Variants in TBC1D22A observed in about 807,000 individuals in gnomAD.
The protein encoded by TBC1D22A is putative GTPase activator.
TBC1D22A carries 38 observed loss-of-function variants against 60.2 expected under a neutral mutation model. The ratio of observed to expected loss-of-function variants is 0.63; its 90% CI spans 0.49 to 0.83. The LOEUF is 0.83. TBC1D22A is among the 40% of genes least tolerant of loss of function. TBC1D22A has a pLI of 0.00. For synonymous variants in TBC1D22A, 302 were observed against 281.7 expected (o/e 1.07, Z -0.72); for missense variants, 628 against 701.0 (o/e 0.90, Z 1.18).
intron 8 of TBC1D22A, among the ~76,000 whole-genome samples, chr22:46,955,487 A>G (rs2073138450): frequency 6.6e-6 from 1 of 151,922 alleles, no homozygotes; most frequent in Non-Finnish European, 1.5e-5. Context: ...AACCTATGCT[A>G]CTCACCTTGA....
chr22:47,062,087 CAAAA>C (rs908701365), intron 11 of TBC1D22A, among the ~76,000 whole-genome samples: 11 of 63,004 alleles, frequency 1.7e-4, no homozygotes, highest in African/African-American at 4.3e-4. Flanking sequence ...GACTCCATCT[CAAAA>C]AAAAAAAAAA....
chr22:46,883,497 C>T (rs1390810773), intron 5 of TBC1D22A, among the ~76,000 whole-genome samples: 1 of 152,174 alleles, frequency 6.6e-6, no homozygotes, highest in African/African-American at 2.4e-5. Context: ...GTGTCAGGAG[C>T]ACGTGTAGGG....
chr22:47,130,873 TG>T (rs1487837633), intron 12 of TBC1D22A, among the ~76,000 whole-genome samples: 1 of 152,208 alleles, frequency 6.6e-6, no homozygotes, highest in African/African-American at 2.4e-5. Flanking sequence ...AGGAACACCC[TG>T]GCCTGGGTAA....
chr22:47,169,654 T>G (rs920085468), intron 12 of TBC1D22A, among the ~76,000 whole-genome samples: 5 of 152,104 alleles, frequency 3.3e-5, no homozygotes, highest in African/African-American at 1.2e-4. Flanking sequence ...AAAGGCAGGG[T>G]GCACTCCACG....
intron 9 of TBC1D22A, among the ~76,000 whole-genome samples, chr22:46,996,928 T>A (rs2075140426): frequency 6.6e-6 from 1 of 152,200 alleles, no homozygotes; most frequent in African/African-American, 2.4e-5. Context: ...ATTACTCTCA[T>A]GTTATTGGTA....
chr22:46,953,662 G>C (rs1272174363), intron 8 of TBC1D22A, among the ~76,000 whole-genome samples: 1 of 152,120 alleles, frequency 6.6e-6, no homozygotes, highest in Non-Finnish European at 1.5e-5. Flanking sequence ...TTTATTCCCA[G>C]TCCTTTAACA....
intron 8 of TBC1D22A, among the ~76,000 whole-genome samples, chr22:46,967,941 C>T (rs2073886642): frequency 1.3e-5 from 2 of 152,094 alleles, no homozygotes; most frequent in Admixed American, 6.5e-5. Flanking sequence ...CCAGAGCACC[C>T]CCTGGTAATT....
In TBC1D22A at chr22:46,903,041, C is replaced by A. The variant is rs538254983; in HGVS notation, c.900+8195C>A. ...TCATGCCCAATTGCTGGGGCCGCCT[C>A]ACGTCTCTGCTCTGTGATTTCTTCT... On this transcript the variant is annotated intron_variant, in intron 7 of 12. Coordinates refer to ENST00000337137, the MANE Select transcript of TBC1D22A (RefSeq NM_014346.5). Among the ~76,000 whole-genome samples, 3 of 152,358 alleles carry A rather than the reference C, an allele frequency of 2.0e-5. No homozygotes were observed. In the East Asian group the frequency reaches 5.8e-4, roughly 29 times the overall value.
chr22:47,042,401 TGAGAGAGA>T (rs57730619), intron 11 of TBC1D22A, among the ~76,000 whole-genome samples: 1 of 149,566 alleles, frequency 6.7e-6, no homozygotes, highest in East Asian at 2.0e-4. Flanking sequence ...CCAGCCTGTA[TGAGAGAGA>T]GAGAGAGAGA....
intron 10 of TBC1D22A, among the ~76,000 whole-genome samples, chr22:47,004,972 C>T (rs1339480988): frequency 6.6e-6 from 1 of 151,800 alleles, no homozygotes; most frequent in South Asian, 2.1e-4. Flanking sequence ...CTGTACACAC[C>T]TGTCATATAT....
intron 8 of TBC1D22A, among the ~76,000 whole-genome samples, chr22:46,959,561 C>G (rs778862705): frequency 1.9e-4 from 29 of 152,210 alleles, no homozygotes; most frequent in East Asian, 1.9e-4. Flanking sequence ...TGGAGACAGA[C>G]AGACCCCAGG....
intron 8 of TBC1D22A, among the ~76,000 whole-genome samples, chr22:46,952,399 A>C (rs1000517500): frequency 6.6e-6 from 1 of 152,074 alleles, no homozygotes; most frequent in Non-Finnish European, 1.5e-5. Context: ...TAGTGTCTTC[A>C]TTGAACTGTG....
intron 11 of TBC1D22A, among the ~76,000 whole-genome samples, chr22:47,101,514 C>T (rs965990877): frequency 6.6e-6 from 1 of 152,250 alleles, no homozygotes; most frequent in East Asian, 1.9e-4. Context: ...CTCAGCCATG[C>T]CTGTGGGGCG....
intron 10 of TBC1D22A, among the ~76,000 whole-genome samples, chr22:47,017,514 G>A (rs1253732172): frequency 6.6e-6 from 1 of 151,960 alleles, no homozygotes; most frequent in Admixed American, 6.5e-5. Flanking sequence ...TGGGCTCTGG[G>A]CACACCCAGC....
chr22:47,051,083 C>T (rs2063199760), intron 11 of TBC1D22A, among the ~76,000 whole-genome samples: 2 of 151,790 alleles, frequency 1.3e-5, no homozygotes, highest in Admixed American at 1.3e-4. Context: ...TGCCCTGTGG[C>T]CTGGCAGGTC....
chr22:47,050,563 A>G lies in TBC1D22A; in HGVS notation c.1329+13365A>G, dbSNP rs546865022. Among the ~76,000 whole-genome samples, 7 of 152,294 alleles carry G rather than the reference A, an allele frequency of 4.6e-5. No homozygotes were observed. In the South Asian group the frequency reaches 1.4e-3, roughly 32 times the overall value. On this transcript the variant is annotated intron_variant, in intron 11 of 12. Transcript: ENST00000337137. Reference sequence around the variant, plus strand: ...GTTCAGAGTGTTCACTGCAGCCAGCATTTGCTTGGGACCGCGTGTGAGGCC... The same window carrying G: ...GTTCAGAGTGTTCACTGCAGCCAGCGTTTGCTTGGGACCGCGTGTGAGGCC...
intron 8 of TBC1D22A, among the ~76,000 whole-genome samples, chr22:46,950,083 C>A (rs987055432): frequency 1.3e-5 from 2 of 152,194 alleles, no homozygotes; most frequent in African/African-American, 4.8e-5. Flanking sequence ...GCTGGGTGGA[C>A]TCCAGGAGAC....
At chr22:46,998,902 G>A (rs1029398306) in intron 10 of TBC1D22A, among the ~76,000 whole-genome samples, 2 of 152,270 alleles carry the variant, frequency 1.3e-5, no homozygotes, top group African/African-American at 4.8e-5. Context: ...CCACCGCGCG[G>A]TCTTGTTTGG....
chr22:46,780,920 G>T (rs2083906689), intron 1 of TBC1D22A, among the ~76,000 whole-genome samples: 1 of 152,220 alleles, frequency 6.6e-6, no homozygotes, highest in Non-Finnish European at 1.5e-5. Flanking sequence ...TTGGATTTTA[G>T]TATTTTGTTT....
Sources: allele counts gnomAD v4.1 joint callset (sites outside exome capture counted in the v4.1 genomes callset), GRCh38; gene constraint gnomAD v4.1.1; transcripts MANE v1.5; gene names NCBI Gene and HGNC (gene_info 2026-07-23, HGNC 2026-07-21).